DPF3: variants seen among roughly 807,000 people sequenced by gnomAD.
The protein encoded by DPF3 is zinc finger protein DPF3.
DPF3 carries 18 observed loss-of-function variants against 56.8 expected under a neutral mutation model. The ratio of observed to expected loss-of-function variants is 0.32; its 90% CI spans 0.22 to 0.47. The LOEUF (loss-of-function observed/expected upper bound fraction) is 0.47, where lower values mean the gene tolerates loss of function less well. Ranked by LOEUF, DPF3 falls within the 20% of genes least tolerant of loss-of-function variation. The pLI, the probability that DPF3 is intolerant of heterozygous loss-of-function variation, is 1.00. For missense variants in DPF3, 403 were observed against 488.8 expected (o/e 0.82, Z 1.65); for synonymous variants, 188 against 180.2 (o/e 1.04, Z -0.35).
At chr14:72,701,582 G>A (rs551074800) in intron 6 of DPF3, among the ~76,000 whole-genome samples, 2 of 152,252 alleles carry the variant, frequency 1.3e-5, no homozygotes, top group East Asian at 3.9e-4. Flanking sequence ...GGAATCAGGG[G>A]CAGCTTGTGT....
intron 5 of DPF3, among the ~76,000 whole-genome samples, chr14:72,720,887 A>T (rs201594490): frequency 7.9e-5 from 12 of 151,764 alleles, no homozygotes; most frequent in East Asian, 3.9e-4. Context: ...CATTTTTTTT[A>T]AAAAAATAGA....
intron 8 of DPF3, among the ~76,000 whole-genome samples, chr14:72,655,990 C>T (rs561544899): frequency 1.6e-4 from 24 of 152,220 alleles, no homozygotes; most frequent in Non-Finnish European, 2.9e-4. Context: ...AAAAGAACTG[C>T]TTGTCTATTT....
At chr14:72,754,096 T>C (rs1044012687) in intron 2 of DPF3, among the ~76,000 whole-genome samples, 2 of 151,970 alleles carry the variant, frequency 1.3e-5, no homozygotes, top group African/African-American at 2.4e-5. Flanking sequence ...AGCATCACTG[T>C]CATGCCAAGC....
At chr14:72,886,533 T>A (rs1383399874) in intron 1 of DPF3, among the ~76,000 whole-genome samples, 1 of 152,148 alleles carries the variant, frequency 6.6e-6, no homozygotes, top group African/African-American at 2.4e-5. Flanking sequence ...GCCACTGAAA[T>A]GCACACTTTA....
rs1170545645 is a variant in DPF3, at chr14:72,609,556, G to A, written c.*9741C>T. Among the ~76,000 whole-genome samples the A allele has an allele frequency of 6.6e-6, 1 of 152,156 alleles. No individual in the cohort carries two copies. Among genetic ancestry groups the A allele is most frequent in the Non-Finnish European group, 1.5e-5 (1 of 68,034 alleles). On this transcript the variant is annotated 3_prime_UTR_variant, in exon 11 of 11. Transcript: ENST00000556509. ...GAGCTTGATACGTTCCTTAGGCAGG[G>A]CAGAAACATCACAGCACTTCACGTT...
intron 2 of DPF3, among the ~76,000 whole-genome samples, chr14:72,771,082 A>G (rs555917105): frequency 6.9e-4 from 105 of 152,188 alleles, no homozygotes; most frequent in Non-Finnish European, 1.2e-3. Context: ...AGGCTGAAGC[A>G]TGAGAATCAC....
intron 8 of DPF3, among the ~76,000 whole-genome samples, chr14:72,655,830 C>T (rs1017239388): frequency 1.3e-5 from 2 of 152,206 alleles, no homozygotes; most frequent in African/African-American, 4.8e-5. Context: ...ACCAACTCTT[C>T]CAGGTCATCT....
chr14:72,677,079 T>G (rs1001331417), intron 7 of DPF3, among the ~76,000 whole-genome samples: 3 of 152,204 alleles, frequency 2.0e-5, no homozygotes, highest in African/African-American at 7.2e-5. Context: ...AGCAGCATCC[T>G]GTTGGCCATA....
chr14:72,630,138 G>T (rs1006465035), intron 8 of DPF3, among the ~76,000 whole-genome samples: 4 of 152,140 alleles, frequency 2.6e-5, no homozygotes, highest in Non-Finnish European at 5.9e-5. Flanking sequence ...GAACTATTTG[G>T]AGCTGGGCCT....
intron 1 of DPF3, among the ~76,000 whole-genome samples, chr14:72,885,369 G>GGTTGGTTT (rs1886503412): frequency 6.7e-6 from 1 of 149,106 alleles, no homozygotes; most frequent in Admixed American, 6.7e-5. Context: ...TAATTTTTTG[G>GGTTGGTTT]GTTTGTTTGT....
At chr14:72,654,719 C>CATAG (rs1886015834) in intron 8 of DPF3, among the ~76,000 whole-genome samples, 2 of 152,276 alleles carry the variant, frequency 1.3e-5, no homozygotes, top group South Asian at 4.2e-4. Context: ...GTAACTAATG[C>CATAG]ATAGAAAGTA....
intron 1 of DPF3, among the ~76,000 whole-genome samples, chr14:72,822,935 G>T (rs1425662039): frequency 6.6e-6 from 1 of 152,156 alleles, no homozygotes; most frequent in Non-Finnish European, 1.5e-5. Flanking sequence ...GCATCAACAT[G>T]ACTCATGAAG....
chr14:72,761,455 A>G (rs1404467815), intron 2 of DPF3, among the ~76,000 whole-genome samples: 3 of 152,100 alleles, frequency 2.0e-5, no homozygotes, highest in Non-Finnish European at 4.4e-5. Context: ...ACTAAACAAT[A>G]CAGTTCTAAA....
chr14:72,849,991 T>G (rs1334282196), intron 1 of DPF3, among the ~76,000 whole-genome samples: 2 of 152,070 alleles, frequency 1.3e-5, no homozygotes, highest in Non-Finnish European at 2.9e-5. Context: ...TGGTGTCATA[T>G]GCCTGTAATC....
chr14:72,857,420 GGGA>G (rs1194677049), intron 1 of DPF3, among the ~76,000 whole-genome samples: 1 of 152,186 alleles, frequency 6.6e-6, no homozygotes, highest in Non-Finnish European at 1.5e-5. Flanking sequence ...TGGTCGGGGA[GGGA>G]GGGTTTGAAC....
intron 1 of DPF3, among the ~76,000 whole-genome samples, chr14:72,785,515 G>A (rs935282653): frequency 2.0e-5 from 3 of 152,130 alleles, no homozygotes; most frequent in Non-Finnish European, 4.4e-5. Flanking sequence ...CCCTCACAAT[G>A]AGTTTTGCCT....
chr14:72,627,884 T>G (rs1365278710), intron 9 of DPF3, among the ~76,000 whole-genome samples: 1 of 152,120 alleles, frequency 6.6e-6, no homozygotes, highest in African/African-American at 2.4e-5. Context: ...TCCCTAAGTA[T>G]TTCTTCTTTG....
rs372891489 is a variant in DPF3 at position 72,834,556 on chromosome 14, C to A, written c.32+59501G>T. ...ACACCTGGTGGGATGGCTAGAGTCA[C>A]AAAGAGGTAGAGGAACTGGACCCCC... On this transcript the variant is annotated intron_variant, in intron 1 of 10. Coordinates refer to ENST00000556509, the MANE Select transcript of DPF3 (RefSeq NM_001280542.3). Among the ~76,000 whole-genome samples, 13 of 148,384 alleles carry A rather than the reference C, an allele frequency of 8.8e-5. No homozygotes were observed. In the East Asian group the frequency reaches 2.4e-3, roughly 27 times the overall value.
chr14:72,618,051 T>C lies in DPF3; in HGVS notation c.*1246A>G, dbSNP rs1481141469. The stretch of plus-strand genomic sequence containing the variant: ...GCTCAGCCTCCCCACCTCTTTCTTC[T>C]AGACACATTTTTTTTTGAAAACAAG... On this transcript the variant is annotated 3_prime_UTR_variant, in exon 11 of 11. Transcript: ENST00000556509. Among the ~76,000 whole-genome samples, 4 of 124,242 alleles carry C rather than the reference T, an allele frequency of 3.2e-5. No individual in the cohort carries two copies. The highest frequency in any genetic ancestry group is 5.1e-5 in the Non-Finnish European group (3 of 58,274). The allele number at this position is 124,242 out of a possible 152,430, so 81.5% of individuals were successfully genotyped here.
Sources: gnomAD v4.1 joint callset for allele counts (sites outside exome capture counted in the v4.1 genomes callset) on GRCh38, gnomAD v4.1.1 for gene constraint, MANE v1.5 for transcripts, NCBI Gene and HGNC (gene_info 2026-07-23, HGNC 2026-07-21) for gene names.